The following RARB variants were observed in gnomAD, a reference collection of about 807,000 sequenced individuals.
RARB encodes HBV-activated protein.
In RARB, 17 loss-of-function variants were observed where a neutral mutation model predicts 51.9. That is an observed-to-expected ratio of 0.33 (90% CI 0.22 to 0.49). The LOEUF (loss-of-function observed/expected upper bound fraction) is 0.49. RARB is among the 20% of genes least tolerant of loss of function. RARB has a pLI of 0.99. For synonymous variants in RARB, 215 were observed against 195.4 expected (o/e 1.10, Z -0.84); for missense variants, 369 against 550.8 (o/e 0.67, Z 3.30).
chr3:25,306,642 C>G (rs1422061632), intron 5 of RARB, among the ~76,000 whole-genome samples: 2 of 152,082 alleles, frequency 1.3e-5, no homozygotes, highest in African/African-American at 4.8e-5. Flanking sequence ...TTAAAAATGC[C>G]AATACTAAAT....
At chr3:25,046,081 T>C (rs1320353768) in intron 2 of RARB, among the ~76,000 whole-genome samples, 4 of 152,200 alleles carry the variant, frequency 2.6e-5, no homozygotes, top group Non-Finnish European at 4.4e-5. Context: ...CTTTTGGTCC[T>C]AGATCAGAAA....
intron 2 of RARB, among the ~76,000 whole-genome samples, chr3:24,885,489 A>C (rs2125359844): frequency 6.6e-6 from 1 of 152,322 alleles, no homozygotes; most frequent in South Asian, 2.1e-4. Flanking sequence ...GGAGAGCTGT[A>C]AATATTAAAT....
At chr3:25,161,877 C>G (rs534522919) in intron 4 of RARB, among the ~76,000 whole-genome samples, 1 of 152,180 alleles carries the variant, frequency 6.6e-6, no homozygotes, top group African/African-American at 2.4e-5. Flanking sequence ...CCTGGCAGAG[C>G]CCCCTGGATT....
intron 2 of RARB, among the ~76,000 whole-genome samples, chr3:24,892,851 T>G (rs1025314365): frequency 2.0e-5 from 3 of 152,206 alleles, no homozygotes; most frequent in African/African-American, 7.2e-5. Flanking sequence ...GGTATAGATG[T>G]TAGTGATCTA....
chr3:25,557,622 T>C (rs1700112944), intron 3 of RARB, among the ~76,000 whole-genome samples: 1 of 152,172 alleles, frequency 6.6e-6, no homozygotes, highest in African/African-American at 2.4e-5. Context: ...ACCTTGCATC[T>C]GCTATCCTGG....
chr3:25,311,737 G>A (rs1490333798), intron 5 of RARB, among the ~76,000 whole-genome samples: 1 of 152,194 alleles, frequency 6.6e-6, no homozygotes, highest in Non-Finnish European at 1.5e-5. Context: ...TCATGTAAGT[G>A]ATGGCTTTAT....
chr3:25,455,225 T>A (rs934150412), intron 1 of RARB, among the ~76,000 whole-genome samples: 2 of 152,208 alleles, frequency 1.3e-5, no homozygotes, highest in Non-Finnish European at 2.9e-5. Context: ...TAATTTTTTT[T>A]AAAGAGTTGG....
At chr3:24,829,658 C>CCAAGTT (rs1369241334) in intron 1 of RARB, among the ~76,000 whole-genome samples, 6 of 152,234 alleles carry the variant, frequency 3.9e-5, no homozygotes, top group African/African-American at 1.4e-4. Context: ...CAGTCCTCTT[C>CCAAGTT]CAAGTTCCCT....
intron 2 of RARB, among the ~76,000 whole-genome samples, chr3:24,931,987 T>C (rs1444085093): frequency 6.6e-6 from 1 of 152,084 alleles, no homozygotes; most frequent in Non-Finnish European, 1.5e-5. Context: ...AAACTTGATT[T>C]GATAGAAAAA....
chr3:25,254,210 G>C (rs1702801202), intron 5 of RARB, among the ~76,000 whole-genome samples: 1 of 152,148 alleles, frequency 6.6e-6, no homozygotes, highest in African/African-American at 2.4e-5. Context: ...AAATTTGTCA[G>C]TGTTTCCTAT....
intron 5 of RARB, among the ~76,000 whole-genome samples, chr3:25,190,341 G>T (rs1322097649): frequency 6.6e-6 from 1 of 152,018 alleles, no homozygotes; most frequent in African/African-American, 2.4e-5. Flanking sequence ...GGAGAGTATG[G>T]TTCATGTTTC....
At chr3:25,210,141 T>C (rs1228660427) in intron 5 of RARB, among the ~76,000 whole-genome samples, 2 of 152,104 alleles carry the variant, frequency 1.3e-5, no homozygotes, top group African/African-American at 4.8e-5. Flanking sequence ...CAGAAAATAA[T>C]AGAAGTAGAT....
At chr3:25,346,138 C>T (rs959905189) in intron 5 of RARB, among the ~76,000 whole-genome samples, 1 of 152,164 alleles carries the variant, frequency 6.6e-6, no homozygotes, top group Non-Finnish European at 1.5e-5. Flanking sequence ...TCAGTCTTGT[C>T]CTTATTCAGA....
At chr3:25,390,483 T>C (rs932408938) in intron 5 of RARB, among the ~76,000 whole-genome samples, 4 of 152,196 alleles carry the variant, frequency 2.6e-5, no homozygotes, top group Admixed American at 2.6e-4. Context: ...TATTTTGTTA[T>C]AGCAGCCCAA....
At chr3:25,280,416 C>A (rs1351472514) in intron 5 of RARB, among the ~76,000 whole-genome samples, 4 of 152,008 alleles carry the variant, frequency 2.6e-5, no homozygotes, top group Non-Finnish European at 1.5e-5. Context: ...TGCCAAGGTG[C>A]CATAATTTGG....
intron 2 of RARB, among the ~76,000 whole-genome samples, chr3:25,464,436 T>G (rs1695333231): frequency 6.6e-6 from 1 of 152,206 alleles, no homozygotes; most frequent in African/African-American, 2.4e-5. Context: ...GTGTATCTTT[T>G]TAACAGAGCT....
At chr3:24,871,822 C>T (rs1037575712) in intron 2 of RARB, among the ~76,000 whole-genome samples, 2 of 152,156 alleles carry the variant, frequency 1.3e-5, no homozygotes, top group Admixed American at 6.6e-5. Context: ...CAGAACAAAA[C>T]CTTGGGATTA....
intron 5 of RARB, among the ~76,000 whole-genome samples, chr3:25,421,906 T>G (rs1325057686): frequency 1.3e-5 from 2 of 152,178 alleles, no homozygotes; most frequent in African/African-American, 2.4e-5. Flanking sequence ...ACCTACCATG[T>G]TACACTGCCT....
chr3:25,183,966 A>G (rs1575203006), intron 5 of RARB, among the ~76,000 whole-genome samples: 2 of 152,130 alleles, frequency 1.3e-5, no homozygotes, highest in African/African-American at 4.8e-5. Context: ...CCAAAAGCCT[A>G]TGTAAGCTTC....
Sources: allele counts gnomAD v4.1 joint callset (sites outside exome capture counted in the v4.1 genomes callset), GRCh38; gene constraint gnomAD v4.1.1; transcripts MANE v1.5; gene names NCBI Gene and HGNC (gene_info 2026-07-23, HGNC 2026-07-21).